HYCC2: variants seen among roughly 807,000 people sequenced by gnomAD.
The protein encoded by HYCC2 is hyccin PI4KA lipid kinase complex subunit 2.
At chr2:201,023,219 G>A in the HYCC2 span, among the ~76,000 whole-genome samples, 3 of 151,978 alleles carry the variant, frequency 2.0e-5, no homozygotes, top group South Asian at 6.2e-4. Context: ...CGTGGTGGCG[G>A]GTGCCTGTAA....
chr2:201,010,409 G>A, the HYCC2 span, among the ~76,000 whole-genome samples: 14 of 152,226 alleles, frequency 9.2e-5, no homozygotes, highest in African/African-American at 2.4e-4. Flanking sequence ...TTATCCTCAC[G>A]ACTTAGTGTA....
the HYCC2 span, among the ~76,000 whole-genome samples, chr2:201,059,562 G>GA: frequency 1.3e-5 from 2 of 152,066 alleles, no homozygotes; most frequent in Non-Finnish European, 2.9e-5. Flanking sequence ...TTTTGGGAAG[G>GA]AAAAAACCCT....
the HYCC2 span, chr2:200,997,357 G>C: frequency 8.7e-6 from 8 of 924,798 alleles, no homozygotes; most frequent in Admixed American, 1.7e-4. Context: ...TGTAATACCA[G>C]AAGTTAGAAC....
chr2:201,016,602 A>T, the HYCC2 span, among the ~76,000 whole-genome samples: 96 of 140,112 alleles, frequency 6.9e-4, no homozygotes, highest in East Asian at 0.013. Flanking sequence ...ATTATTTTTA[A>T]TTTTTTTTTT....
At chr2:201,034,125 A>C in the HYCC2 span, among the ~76,000 whole-genome samples, 1 of 152,160 alleles carries the variant, frequency 6.6e-6, no homozygotes, top group Non-Finnish European at 1.5e-5. Context: ...AATACCTTTA[A>C]ATAGAGAAAT....
the HYCC2 span, among the ~76,000 whole-genome samples, chr2:201,008,594 CTAAA>C: frequency 4.1e-5 from 6 of 144,682 alleles, no homozygotes; most frequent in Non-Finnish European, 7.4e-5. Flanking sequence ...GACTCTGTCT[CTAAA>C]TAAATAAATA....
At chr2:201,020,957 C>T in the HYCC2 span, among the ~76,000 whole-genome samples, 4 of 152,024 alleles carry the variant, frequency 2.6e-5, no homozygotes, top group Middle Eastern at 3.4e-3. Flanking sequence ...TTAGTAGAGA[C>T]GGGGTTTCAT....
chr2:201,034,519 C>T, the HYCC2 span, among the ~76,000 whole-genome samples: 1 of 152,104 alleles, frequency 6.6e-6, no homozygotes, highest in African/African-American at 2.4e-5. Flanking sequence ...TGAGATGGGT[C>T]TCCTGAATAC....
At chr2:200,992,196 A>T in the HYCC2 span, 1 of 855,824 alleles carries the variant, frequency 1.2e-6, no homozygotes, top group South Asian at 1.5e-5. Flanking sequence ...ATTTTCCCCT[A>T]ATTATTTGGA....
At chr2:201,037,562 G>A in the HYCC2 span, among the ~76,000 whole-genome samples, 1 of 152,174 alleles carries the variant, frequency 6.6e-6, no homozygotes, top group African/African-American at 2.4e-5. Context: ...CAATGGAACA[G>A]AACAGAGCCC....
At chr2:201,009,685 T>TG in the HYCC2 span, among the ~76,000 whole-genome samples, 3 of 151,924 alleles carry the variant, frequency 2.0e-5, no homozygotes, top group East Asian at 5.8e-4. Context: ...GTCTCAAACT[T>TG]CTGACCTCAA....
chr2:201,036,608 A>C, the HYCC2 span, among the ~76,000 whole-genome samples: 5 of 152,230 alleles, frequency 3.3e-5, no homozygotes, highest in African/African-American at 1.2e-4. Flanking sequence ...AATCAATAAA[A>C]GTAATCCAGC....
At chr2:201,059,874 C>T in the HYCC2 span, among the ~76,000 whole-genome samples, 1 of 151,986 alleles carries the variant, frequency 6.6e-6, no homozygotes, top group Non-Finnish European at 1.5e-5. Flanking sequence ...GGTGAAACCC[C>T]GTCTCTACTA....
chr2:201,010,104 A>C, the HYCC2 span, among the ~76,000 whole-genome samples: 3,179 of 127,092 alleles, frequency 0.025, 33 homozygotes, highest in Non-Finnish European at 0.036. Context: ...ACTCTGTCTC[A>C]AAAAAAAAAA....
At chr2:201,025,851 G>C in the HYCC2 span, among the ~76,000 whole-genome samples, 13 of 152,188 alleles carry the variant, frequency 8.5e-5, no homozygotes, top group African/African-American at 3.1e-4. Context: ...TTGAGGCCAG[G>C]AGCTTGAGAC....
chr2:201,044,716 T>C, the HYCC2 span, among the ~76,000 whole-genome samples: 2 of 152,206 alleles, frequency 1.3e-5, no homozygotes, highest in African/African-American at 4.8e-5. Flanking sequence ...GCTACTATTA[T>C]TATTATAGAA....
chr2:201,009,290 A>G, the HYCC2 span: 1 of 405,710 alleles, frequency 2.5e-6, no homozygotes, highest in Non-Finnish European at 4.5e-6. Flanking sequence ...CCTGTAAAAT[A>G]TAAAACTAAA....
chr2:201,031,041 C>A, the HYCC2 span, among the ~76,000 whole-genome samples: 1 of 152,136 alleles, frequency 6.6e-6, no homozygotes, highest in East Asian at 1.9e-4. Context: ...TTGTCTTCCA[C>A]AGTATAAATT....
chr2:201,036,162 G>A, the HYCC2 span, among the ~76,000 whole-genome samples: 1 of 152,096 alleles, frequency 6.6e-6, no homozygotes, highest in Admixed American at 6.6e-5. Context: ...ATAAATTCCT[G>A]GACACATATA....
Sources: allele counts gnomAD v4.1 joint callset (sites outside exome capture counted in the v4.1 genomes callset), GRCh38; gene constraint gnomAD v4.1.1; transcripts MANE v1.5; gene names NCBI Gene and HGNC (gene_info 2026-07-23, HGNC 2026-07-21).